NOL9: variants seen among roughly 807,000 people sequenced by gnomAD.
NOL9 encodes polynucleotide 5'-hydroxyl-kinase NOL9.
In NOL9, 28 loss-of-function variants were observed where a neutral mutation model predicts 67.9. The ratio of observed to expected loss-of-function variants is 0.41; its 90% CI spans 0.31 to 0.57. The LOEUF (loss-of-function observed/expected upper bound fraction) is 0.57, where lower values mean the gene tolerates loss of function less well. Ranked by LOEUF, NOL9 falls within the 20% of genes least tolerant of loss-of-function variation. The pLI is 0.25. For missense variants in NOL9, 777 were observed against 897.0 expected, an observed-to-expected ratio of 0.87 and a Z score of 1.71; for synonymous variants, 356 against 352.2, an observed-to-expected ratio of 1.01 and a Z score of -0.12.
chr1:6,552,632 T>G (rs780429471), intron 1 of NOL9, among the ~76,000 whole-genome samples: 4 of 151,632 alleles, frequency 2.6e-5, no homozygotes, highest in Non-Finnish European at 5.9e-5. Flanking sequence ...CCAAAAGTGC[T>G]GGGATTACAG....
intron 6 of NOL9, among the ~76,000 whole-genome samples, chr1:6,536,569 T>C (rs1417584141): frequency 1.3e-5 from 2 of 151,760 alleles, no homozygotes; most frequent in African/African-American, 4.8e-5. Flanking sequence ...GGCTCACACT[T>C]GTAATCTCAG....
chr1:6,550,064 C>T (rs1416019189), intron 2 of NOL9, among the ~76,000 whole-genome samples: 1 of 151,814 alleles, frequency 6.6e-6, no homozygotes, highest in African/African-American at 2.4e-5. Flanking sequence ...TGGGGTCTCG[C>T]TCTGTTGCCC....
intron 6 of NOL9, among the ~76,000 whole-genome samples, chr1:6,536,042 T>C (rs1639147856): frequency 6.6e-6 from 1 of 152,028 alleles, no homozygotes; most frequent in Admixed American, 6.6e-5. Flanking sequence ...TACAAATAAT[T>C]GTTCAAAAAT....
intron 6 of NOL9, among the ~76,000 whole-genome samples, chr1:6,536,057 C>T (rs867945543): frequency 2.0e-5 from 3 of 152,138 alleles, no homozygotes; most frequent in African/African-American, 7.2e-5. Flanking sequence ...AAAAATTAGC[C>T]AGGTGTGGGC....
At chr1:6,532,225 G>A (rs1465587236) in intron 8 of NOL9, 146 bp from the exon 9 acceptor site, 7 of 738,950 alleles carry the variant, frequency 9.5e-6, no homozygotes, top group East Asian at 8.0e-5. Flanking sequence ...GGAAAAACAG[G>A]AAGTGTAAAG....
intron 6 of NOL9, among the ~76,000 whole-genome samples, chr1:6,535,679 C>G (rs1034395687): frequency 6.6e-6 from 1 of 152,192 alleles, no homozygotes; most frequent in Admixed American, 6.5e-5. Flanking sequence ...ATAATTCTAG[C>G]ACTTTGGGAG....
At chr1:6,534,728 G>C (rs920324466) in intron 6 of NOL9, among the ~76,000 whole-genome samples, 1 of 152,212 alleles carries the variant, frequency 6.6e-6, no homozygotes, top group South Asian at 2.1e-4. Flanking sequence ...GCTAACGAGA[G>C]TGACCCCTGG....
rs1638768029 is a variant in NOL9 at position 6,521,381 on chromosome 1, T to C, written c.*4473A>G. 6.6e-6 allele frequency: 1 copy of C among 152,176 alleles called. No individual in the cohort carries two copies. Among genetic ancestry groups the C allele is most frequent in the African/African-American group, 2.4e-5 (1 of 41,438 alleles). The allele number at this position is 152,176 out of a possible 1,614,324, so 9.4% of individuals were successfully genotyped here. On this transcript the variant is annotated 3_prime_UTR_variant, in exon 12 of 12. Coordinates refer to ENST00000377705, the MANE Select transcript of NOL9 (RefSeq NM_024654.5). The stretch of plus-strand genomic sequence containing the variant: ...TCAAAAATATTTAATGATACAAAAG[T>C]TCATCTGTTAACTGAAAAGAGCTGA...
intron 3 of NOL9, chr1:6,549,327 C>A: frequency 2.7e-6 from 1 of 370,708 alleles, no homozygotes; most frequent in Non-Finnish European, 4.9e-6. Context: ...AATAAAAACC[C>A]AAAAAGCACT....
intron 6 of NOL9, among the ~76,000 whole-genome samples, chr1:6,539,680 G>T (rs1272023001): frequency 6.6e-6 from 1 of 151,572 alleles, no homozygotes; most frequent in Non-Finnish European, 1.5e-5. Flanking sequence ...TAGGGACTGG[G>T]TTTCACCATG....
intron 7 of NOL9, 37 bp downstream of exon 7, chr1:6,533,243 C>A: frequency 6.5e-7 from 1 of 1,537,700 alleles, no homozygotes; most frequent in Non-Finnish European, 8.8e-7. Flanking sequence ...CTCACACTGC[C>A]TGTCCTTCCC....
At chr1:6,544,544 C>CGCACGCACACACA (rs61278197) in intron 5 of NOL9, among the ~76,000 whole-genome samples, 14 of 118,708 alleles carry the variant, frequency 1.2e-4, no homozygotes, top group Middle Eastern at 8.3e-3. Context: ...CACACACGCA[C>CGCACGCACACACA]CCCCCCCCCG....
At chr1:6,553,824 AGAGT>A (rs1448054511) in intron 1 of NOL9, among the ~76,000 whole-genome samples, 3 of 148,532 alleles carry the variant, frequency 2.0e-5, no homozygotes, top group South Asian at 2.2e-4. Flanking sequence ...CCTGGGGGAC[AGAGT>A]GAGACTCTGT....
At chr1:6,526,070 C>G (rs1218833667) in intron 11 of NOL9, 67 bp from the exon 12 acceptor site, 4 of 1,383,886 alleles carry the variant, frequency 2.9e-6, no homozygotes, top group Non-Finnish European at 4.1e-6. Context: ...TTACAGTGCT[C>G]TCTCACACCT....
intron 2 of NOL9, 55 bp from the exon 3 acceptor site, chr1:6,549,753 C>T: frequency 1.9e-6 from 3 of 1,594,422 alleles, no homozygotes; most frequent in East Asian, 2.2e-5. Context: ...ACATTCCACG[C>T]CCTTTAGGAC....
intron 5 of NOL9, among the ~76,000 whole-genome samples, chr1:6,544,225 G>T (rs1184298813): frequency 6.6e-6 from 1 of 151,804 alleles, no homozygotes; most frequent in African/African-American, 2.4e-5. Flanking sequence ...CAAGGCTGCA[G>T]CAAGCCCTGT....
At chr1:6,546,321 A>C (rs564979670) in intron 3 of NOL9, among the ~76,000 whole-genome samples, 4 of 152,300 alleles carry the variant, frequency 2.6e-5, no homozygotes, top group Admixed American at 2.6e-4. Flanking sequence ...TTCAGTAACC[A>C]AGGCTTGAGA....
Position 6,529,200 on chromosome 1 carries a change from T to C in NOL9, c.1648-29A>G, listed in dbSNP as rs779693920. The C allele has an allele frequency of 3.1e-6, 5 of 1,595,876 alleles. No individual in the cohort carries two copies. In the East Asian group the frequency reaches 9.0e-5, roughly 29 times the overall value. On this transcript the variant is annotated intron_variant, in intron 9 of 11. Coordinates refer to ENST00000377705, the MANE Select transcript of NOL9 (RefSeq NM_024654.5). Reference sequence around the variant, plus strand: ...GAAAATGAATTTGCATCTCACTCTATTCATGGCTACTTTGAAAGACCACTT... The same window carrying C: ...GAAAATGAATTTGCATCTCACTCTACTCATGGCTACTTTGAAAGACCACTT...
intron 3 of NOL9, among the ~76,000 whole-genome samples, chr1:6,546,745 C>G (rs1183558950): frequency 6.6e-6 from 1 of 152,210 alleles, no homozygotes; most frequent in Non-Finnish European, 1.5e-5. Context: ...CATGTTCCAG[C>G]ATGTTTTTTT....
Sources: gnomAD v4.1 joint callset for allele counts (sites outside exome capture counted in the v4.1 genomes callset) on GRCh38, gnomAD v4.1.1 for gene constraint, MANE v1.5 for transcripts, NCBI Gene and HGNC (gene_info 2026-07-23, HGNC 2026-07-21) for gene names.